The following OSBPL10 variants were observed in gnomAD, a reference collection of about 807,000 sequenced individuals.
OSBPL10 encodes oxysterol binding protein like 10, also known as oxysterol-binding protein-related protein 10.
OSBPL10 carries 49 observed loss-of-function variants against 81.7 expected under a neutral mutation model. The observed-to-expected ratio is 0.60, with a 90% CI of 0.48 to 0.76. OSBPL10 has a LOEUF of 0.76. OSBPL10 is among the 30% of genes least tolerant of loss of function. OSBPL10 has a pLI of 0.00. For synonymous variants in OSBPL10, 419 were observed against 383.6 expected, an observed-to-expected ratio of 1.09 and a Z score of -1.08; for missense variants, 923 against 987.8, an observed-to-expected ratio of 0.93 and a Z score of 0.88.
At chr3:31,697,040 T>C (rs530726668) in intron 7 of OSBPL10, among the ~76,000 whole-genome samples, 12 of 152,340 alleles carry the variant, frequency 7.9e-5, no homozygotes, top group African/African-American at 2.9e-4. Flanking sequence ...TCCTGGAATT[T>C]ACACTCTTGC....
chr3:31,925,322 G>A (rs1214625760), intron 1 of OSBPL10, among the ~76,000 whole-genome samples: 1 of 151,422 alleles, frequency 6.6e-6, no homozygotes, highest in Non-Finnish European at 1.5e-5. Flanking sequence ...CTCCACAATA[G>A]GTCCTAACCT....
At chr3:31,727,952 T>C (rs920717430) in intron 6 of OSBPL10, among the ~76,000 whole-genome samples, 2 of 152,194 alleles carry the variant, frequency 1.3e-5, no homozygotes, top group Non-Finnish European at 2.9e-5. Context: ...AAAAGTTCAG[T>C]GCTATAATGA....
At chr3:31,906,690 G>A (rs1696416782) in intron 1 of OSBPL10, among the ~76,000 whole-genome samples, 1 of 152,126 alleles carries the variant, frequency 6.6e-6, no homozygotes, top group Admixed American at 6.6e-5. Context: ...TCCCACACTG[G>A]CTACTCCTCT....
rs1257519228 is a variant in OSBPL10 at position 32,066,021 on chromosome 3, GAA to G, written n.185+11373_185+11374del. The stretch of plus-strand genomic sequence containing the variant: ...AAAGAAAGAAAGAGAAAGAAAGAAA[GAA>G]AGAGAGAGAGAGAGAAAGAGAAAGA... On this transcript the variant is annotated intron_variant and non_coding_transcript_variant, in intron 1 of 3. Coordinates refer to the OSBPL10 transcript ENST00000479173. Among the ~76,000 whole-genome samples, 32 of 68,996 alleles carry G rather than the reference GAA, an allele frequency of 4.6e-4. 7 individuals carry two copies. Among genetic ancestry groups the G allele is most frequent in the African/African-American group, 8.8e-4 (28 of 31,766 alleles). 45.3% of individuals were successfully genotyped at this position (68,996 alleles called of 152,430 possible). A position where few individuals can be genotyped will look rare whatever the true frequency, so the allele number is the denominator to read the frequency against.
In OSBPL10 at chr3:31,748,105, C is replaced by T; in HGVS notation, c.745G>A (p.Glu249Lys). Residue 249 changes from glutamate (E) to lysine (K), a missense_variant, in exon 5 of 12, where the codon GAA becomes AAA. Transcript: ENST00000396556. ...TGCACAAGGTTCTTCTGCTGCCCTTCCACCTGGTTCATCATCTACAAAACA... is the reference window on the plus strand; with the variant it reads ...TGCACAAGGTTCTTCTGCTGCCCTTTCACCTGGTTCATCATCTACAAAACA... Reference protein sequence around the residue: ...HEVREMMNQVEGQQKNLVHAI... With the variant: ...HEVREMMNQVKGQQKNLVHAI... The T allele has an allele frequency of 6.2e-7, 1 of 1,613,072 alleles. No homozygotes were observed. The highest frequency in any genetic ancestry group is 8.5e-7 in the Non-Finnish European group (1 of 1,179,514).
chr3:31,869,731 T>C (rs887036785), intron 3 of OSBPL10, among the ~76,000 whole-genome samples: 6 of 152,168 alleles, frequency 3.9e-5, no homozygotes, highest in Non-Finnish European at 8.8e-5. Context: ...CACTTAACAG[T>C]TGTGTAACTT....
Position 32,062,642 on chromosome 3 carries a change from G to T in OSBPL10, n.185+14754C>A, listed in dbSNP as rs975643655. ...CAGAGCTCAAAAGGGGACAGCAAGG[G>T]CTGGGAGCATGGGCTTCTTGAATCA... On this transcript the variant is annotated intron_variant and non_coding_transcript_variant, in intron 1 of 3. Coordinates refer to the OSBPL10 transcript ENST00000479173. Among the ~76,000 whole-genome samples the T allele has an allele frequency of 7.4e-5, 7 of 94,558 alleles. 2 individuals carry two copies. The highest frequency in any genetic ancestry group is 2.0e-4 in the Non-Finnish European group (7 of 35,122). 62.0% of individuals were successfully genotyped at this position (94,558 alleles called of 152,430 possible). A position where few individuals can be genotyped will look rare whatever the true frequency, so the allele number is the denominator to read the frequency against.
chr3:31,743,569 A>G (rs1697425185), intron 5 of OSBPL10, among the ~76,000 whole-genome samples: 1 of 152,232 alleles, frequency 6.6e-6, no homozygotes, highest in African/African-American at 2.4e-5. Flanking sequence ...AAGGCTCCAA[A>G]GCAAACATAT....
At chr3:31,664,438 G>A (rs1219842833) in intron 10 of OSBPL10, 23 of 599,828 alleles carry the variant, frequency 3.8e-5, no homozygotes, top group Non-Finnish European at 5.9e-5. Context: ...TCTACTCTCC[G>A]CTTGTACCAG....
intron 4 of OSBPL10, chr3:31,794,689 C>T (rs1315291687): frequency 1.0e-5 from 3 of 300,898 alleles, no homozygotes; most frequent in Admixed American, 7.4e-5. Context: ...CATTTCTATA[C>T]AAAGAGAGTC....
chr3:31,834,835 C>A (rs944883876), intron 3 of OSBPL10, among the ~76,000 whole-genome samples: 1 of 152,158 alleles, frequency 6.6e-6, no homozygotes, highest in Non-Finnish European at 1.5e-5. Context: ...TAAGAGCACA[C>A]CTTCTCAAGT....
chr3:31,661,212 C>G lies in OSBPL10; in HGVS notation c.*860G>C, dbSNP rs925214244. The stretch of plus-strand genomic sequence containing the variant: ...GGAAATTCTCTTCTCTTTCCCCAAA[C>G]TAAATACAAGATTGAGGCTGTGGTT... On this transcript the variant is annotated 3_prime_UTR_variant, in exon 12 of 12. Coordinates refer to ENST00000396556, the MANE Select transcript of OSBPL10 (RefSeq NM_017784.5). The G allele has an allele frequency of 6.6e-6, 1 of 152,616 alleles. No individual in the cohort carries two copies. The highest frequency in any genetic ancestry group is 2.4e-5 in the African/African-American group (1 of 41,450). 9.5% of individuals were successfully genotyped at this position (152,616 alleles called of 1,614,324 possible).
At chr3:31,685,110 C>T (rs9830574) in intron 7 of OSBPL10, among the ~76,000 whole-genome samples, 1 of 152,210 alleles carries the variant, frequency 6.6e-6, no homozygotes, top group South Asian at 2.1e-4. Context: ...CTGGGAAGCC[C>T]ATAACTCATT....
intron 5 of OSBPL10, among the ~76,000 whole-genome samples, chr3:31,739,669 G>A (rs1575512260): frequency 1.3e-5 from 2 of 152,168 alleles, no homozygotes; most frequent in African/African-American, 4.8e-5. Context: ...ACAGCTGTCA[G>A]CAAGCCATGA....
At chr3:31,980,073 C>A (rs1698789899) in intron 1 of OSBPL10, among the ~76,000 whole-genome samples, 1 of 151,474 alleles carries the variant, frequency 6.6e-6, no homozygotes, top group Non-Finnish European at 1.5e-5. Flanking sequence ...GGCGCGATCT[C>A]GGCTCACTGC....
In OSBPL10 at chr3:31,762,630, ATTT is replaced by A. The variant is rs56311731; in HGVS notation, c.730-14513_730-14511del. ...GCCTATGCACAACACCATGCCCAGC[ATTT>A]TTTTTTTTTTTTTTTTGTAGAGATG... On this transcript the variant is annotated intron_variant, in intron 4 of 11. Transcript: ENST00000396556. 5.7e-4 allele frequency among the ~76,000 whole-genome samples: 35 copies of A among 61,512 alleles called. 1 individual carries two copies. Among genetic ancestry groups the A allele is most frequent in the African/African-American group, 2.6e-3 (32 of 12,518 alleles). 40.4% of individuals were successfully genotyped at this position (61,512 alleles called of 152,430 possible). A position where few individuals can be genotyped will look rare whatever the true frequency, so the allele number is the denominator to read the frequency against.
intron 2 of OSBPL10, among the ~76,000 whole-genome samples, chr3:32,026,095 TA>T (rs11326573): frequency 0.34 from 27,527 of 80,530 alleles, 2,907 homozygotes; most frequent in South Asian, 0.51. Context: ...AGATAGATGA[TA>T]GATAGATAGA....
intron 6 of OSBPL10, among the ~76,000 whole-genome samples, chr3:31,726,306 TTTAA>T (rs1397392533): frequency 6.8e-6 from 1 of 147,770 alleles, no homozygotes; most frequent in Non-Finnish European, 1.5e-5. Context: ...AAAGTGTCTT[TTTAA>T]TTTTTTTTTT....
At chr3:31,668,449 C>T (rs144365466) in intron 10 of OSBPL10, among the ~76,000 whole-genome samples, 193 bp downstream of exon 10, 8 of 152,254 alleles carry the variant, frequency 5.3e-5, no homozygotes, top group South Asian at 2.1e-4. Flanking sequence ...TACAGAATGA[C>T]GTAACTGAAA....
Sources: gnomAD v4.1 joint callset for allele counts (sites outside exome capture counted in the v4.1 genomes callset) on GRCh38, gnomAD v4.1.1 for gene constraint, MANE v1.5 for transcripts, NCBI Gene and HGNC (gene_info 2026-07-23, HGNC 2026-07-21) for gene names.